Variants in ACTA2 observed in about 807,000 individuals in gnomAD.
ACTA2 encodes the protein actin alpha 2, smooth muscle.
Under a neutral mutation model 39.5 loss-of-function variants are expected in ACTA2, and 12 were observed. The observed-to-expected ratio is 0.30, with a 90% CI of 0.19 to 0.49. The LOEUF is 0.49. ACTA2 is among the 20% of genes least tolerant of loss of function. The probability of loss-of-function intolerance (pLI) is 0.99; values close to 1 mark genes in which losing one functional copy is unlikely to be tolerated. For missense variants in ACTA2, 236 were observed against 498.8 expected, an observed-to-expected ratio of 0.47 and a Z score of 5.02; for synonymous variants, 158 against 180.6, an observed-to-expected ratio of 0.88 and a Z score of 1.00.
intron 1 of ACTA2, among the ~76,000 whole-genome samples, chr10:88,963,841 A>G (rs999607871): frequency 2.6e-5 from 4 of 152,126 alleles, no homozygotes; most frequent in African/African-American, 9.7e-5. Flanking sequence ...TTAGCTATAC[A>G]TTCCGGCAGG....
At chr10:88,961,795 T>C (rs1589408988) in intron 1 of ACTA2, among the ~76,000 whole-genome samples, 1 of 152,202 alleles carries the variant, frequency 6.6e-6, no homozygotes. Flanking sequence ...TATTCTCTGA[T>C]GGTGTTTGCT....
At position 88,941,861 on chromosome 10, in the gene ACTA2, A is replaced by G; in HGVS notation, c.378T>C (p.Phe126=). The G allele has an allele frequency of 6.2e-7, 1 of 1,612,274 alleles. No individual in the cohort carries two copies. Among genetic ancestry groups the G allele is most frequent in the East Asian group, 2.2e-5 (1 of 44,708 alleles). The stretch of plus-strand genomic sequence containing the variant: ...ACATGGCTGGGACATTGAAAGTCTC[A>G]AACATAATCTGCAAAGCAATCCAAA... ...ANREKMTQIM[F]ETFNVPAMYV... The change falls in exon 5 of 9, where the codon TTT becomes TTC. Residue 126 remains phenylalanine (F), a synonymous_variant. Transcript: ENST00000224784.
At position 88,935,418 on chromosome 10, in the gene ACTA2, C is replaced by A. The variant is rs749601245; in HGVS notation, c.991-52G>T. The A allele has an allele frequency of 8.8e-6, 14 of 1,599,532 alleles. No homozygotes were observed. The African/African-American group carries it at 1.7e-4, about 20-fold the overall frequency. Reference sequence around the variant, plus strand: ...TCATTAATGTCATCATTAGTGCAGTCGTTAGTGCGGTAGGACAGAGCCTGG... The same window carrying A: ...TCATTAATGTCATCATTAGTGCAGTAGTTAGTGCGGTAGGACAGAGCCTGG... On this transcript the variant is annotated intron_variant, in intron 8 of 8. Coordinates refer to ENST00000224784, the MANE Select transcript of ACTA2 (RefSeq NM_001613.4).
upstream of ACTA2, among the ~76,000 whole-genome samples, chr10:88,956,333 A>C (rs1234569579): frequency 1.3e-5 from 2 of 152,198 alleles, no homozygotes; most frequent in African/African-American, 2.4e-5. Flanking sequence ...TCTAGTCTCT[A>C]GAGTCCACTT....
chr10:88,952,945 C>A (rs918888560), upstream of ACTA2, among the ~76,000 whole-genome samples: 1 of 152,278 alleles, frequency 6.6e-6, no homozygotes, highest in African/African-American at 2.4e-5. Context: ...TGGGTCTCTT[C>A]CACTGCATTC....
At chr10:88,939,944 C>A (rs374187973) in intron 6 of ACTA2, 2 of 543,362 alleles carry the variant, frequency 3.7e-6, no homozygotes, top group South Asian at 2.0e-5. Context: ...AAATGCATAA[C>A]AAGAATAAAA....
At chr10:88,955,016 C>CAAAAAAAAA (rs768193000), upstream of ACTA2, among the ~76,000 whole-genome samples, 1 of 73,212 alleles carries the variant, frequency 1.4e-5, no homozygotes, top group African/African-American at 5.1e-5. Context: ...TAGTGTCACA[C>CAAAAAAAAA]AAAAAAAAAA....
exon 1 of ACTA2, chr10:88,991,206 C>T (rs1307893842): frequency 5.4e-6 from 3 of 551,670 alleles, no homozygotes; most frequent in African/African-American, 1.9e-5. Context: ...CTGCGCTCCA[C>T]GTTGAGGTGG....
intron 3 of ACTA2, among the ~76,000 whole-genome samples, chr10:88,945,354 A>C (rs1845926213): frequency 6.6e-6 from 1 of 152,226 alleles, no homozygotes; most frequent in African/African-American, 2.4e-5. Context: ...TAGAGCTTGG[A>C]GCATTACTGC....
At chr10:88,942,743 ATT>A (rs59310986) in intron 4 of ACTA2, among the ~76,000 whole-genome samples, 9 of 143,814 alleles carry the variant, frequency 6.3e-5, no homozygotes, top group African/African-American at 7.7e-5. Context: ...ATTTCCAACC[ATT>A]TTTTTTTTTT....
intron 5 of ACTA2, 122 bp from the exon 6 acceptor site, chr10:88,941,512 CAG>C (rs1845851735): frequency 2.3e-6 from 3 of 1,304,244 alleles, no homozygotes; most frequent in East Asian, 2.4e-5. Flanking sequence ...AAAGAGAAAA[CAG>C]GGCATGTGAT....
chr10:88,986,663 ACAGGAAGGAAGTAGTG>A (rs772916083), intron 1 of ACTA2, among the ~76,000 whole-genome samples: 53,396 of 150,286 alleles, frequency 0.36, 10,377 homozygotes, highest in African/African-American at 0.48. Context: ...AGGAAGTAAT[ACAGGAAGGAAGTAGTG>A]CAGGAAGGAA....
At chr10:88,936,188 G>A (rs1845734486) in intron 8 of ACTA2, among the ~76,000 whole-genome samples, 2 of 152,198 alleles carry the variant, frequency 1.3e-5, no homozygotes. Flanking sequence ...TATTACATAT[G>A]AGGAAACAGA....
chr10:88,938,296 G>C, intron 7 of ACTA2, 54 bp from the exon 8 acceptor site: 1 of 1,587,550 alleles, frequency 6.3e-7, no homozygotes, highest in Non-Finnish European at 8.6e-7. Context: ...ACCCAGGCTA[G>C]ACATGGAAGA....
intron 1 of ACTA2, chr10:88,973,255 C>G: frequency 6.2e-7 from 1 of 1,612,418 alleles, no homozygotes; most frequent in South Asian, 1.1e-5. Context: ...GGCTATGGAC[C>G]AAATGGATTC....
At chr10:88,945,549 C>T (rs998244511) in intron 3 of ACTA2, among the ~76,000 whole-genome samples, 1 of 152,144 alleles carries the variant, frequency 6.6e-6, no homozygotes, top group African/African-American at 2.4e-5. Flanking sequence ...TCACTGGTGT[C>T]TGTAATGTTT....
chr10:88,984,030 G>A (rs11202920), intron 1 of ACTA2, among the ~76,000 whole-genome samples: 1 of 152,168 alleles, frequency 6.6e-6, no homozygotes, highest in Non-Finnish European at 1.5e-5. Flanking sequence ...GGAGGTTTCA[G>A]ATGGTAAAAT....
At chr10:88,952,307 A>G (rs1846064566) in intron 1 of ACTA2, among the ~76,000 whole-genome samples, 1 of 152,228 alleles carries the variant, frequency 6.6e-6, no homozygotes, top group Non-Finnish European at 1.5e-5. Flanking sequence ...CCTAAGCTGC[A>G]CCAAAAATAC....
intron 1 of ACTA2, among the ~76,000 whole-genome samples, chr10:88,982,717 T>C (rs1270229022): frequency 6.6e-6 from 1 of 152,232 alleles, no homozygotes; most frequent in African/African-American, 2.4e-5. Context: ...TAAGACTTGT[T>C]TCTGCTAAGT....
Sources: allele counts gnomAD v4.1 joint callset (sites outside exome capture counted in the v4.1 genomes callset), GRCh38; gene constraint gnomAD v4.1.1; transcripts MANE v1.5; gene names NCBI Gene and HGNC (gene_info 2026-07-23, HGNC 2026-07-21).